Variants in POLQ observed in about 807,000 individuals in gnomAD.
POLQ encodes the protein DNA polymerase theta.
POLQ carries 233 observed loss-of-function variants against 259.2 expected under a neutral mutation model. That is an observed-to-expected ratio of 0.90 (90% CI 0.81 to 1.00). The LOEUF is 1.00. Among genes scored for constraint, POLQ ranks in the 50% least tolerant of loss-of-function variants. The pLI, the probability that POLQ is intolerant of heterozygous loss-of-function variation, is 0.00. For missense variants in POLQ, 2,871 were observed against 3,051.6 expected, an observed-to-expected ratio of 0.94 and a Z score of 1.39; for synonymous variants, 1,025 against 1,048.8, an observed-to-expected ratio of 0.98 and a Z score of 0.44.
intron 12 of POLQ, 76 bp downstream of exon 12, chr3:121,509,485 A>G (rs1190164248): frequency 1.9e-5 from 23 of 1,237,140 alleles, no homozygotes; most frequent in Non-Finnish European, 2.6e-5. Context: ...CTGTTAGGGT[A>G]TCTTTGATGT....
At chr3:121,544,648 C>G (rs1576432018) in intron 2 of POLQ, 79 bp downstream of exon 2, 3 of 927,846 alleles carry the variant, frequency 3.2e-6, no homozygotes, top group African/African-American at 1.7e-5. Context: ...ACCTTTTAAA[C>G]GAACCACAAC....
At position 121,489,104 on chromosome 3, in the gene POLQ, C is replaced by T. The variant is rs181141780; in HGVS notation, c.3827G>A (p.Ser1276Asn). Residue 1276 changes from serine to asparagine, a missense_variant, in exon 16 of 30, where the codon AGC (serine) becomes AAC (asparagine). Ser to Asn is a conservative substitution (Grantham distance 46). Coordinates refer to ENST00000264233, the MANE Select transcript of POLQ (RefSeq NM_199420.4). ...ATTCTCATGCTGGCCTTCTGATTTG[C>T]TAAATGCTCCAGCTGATGGAAGTAC... ...SEVLPSAGAF[S>N]KSEGQHENFL... 1.8e-5 allele frequency: 29 copies of T among 1,613,800 alleles called. No homozygotes were observed. The Admixed American group carries it at 4.5e-4, about 25-fold the overall frequency.
At chr3:121,523,691 G>A (rs990881654) in intron 7 of POLQ, among the ~76,000 whole-genome samples, 1 of 151,730 alleles carries the variant, frequency 6.6e-6, no homozygotes, top group African/African-American at 2.4e-5. Context: ...TTCCATCCTG[G>A]ACAACAGAGC....
intron 25 of POLQ, among the ~76,000 whole-genome samples, chr3:121,455,065 A>G (rs1300571267): frequency 2.0e-5 from 3 of 152,082 alleles, no homozygotes; most frequent in Admixed American, 2.0e-4. Flanking sequence ...ACTAGAACTC[A>G]GGATTAAGAA....
intron 5 of POLQ, among the ~76,000 whole-genome samples, chr3:121,534,334 CTT>C (rs71619797): frequency 5.6e-5 from 8 of 144,090 alleles, no homozygotes; most frequent in Non-Finnish European, 3.1e-5. Context: ...CATTATTTTA[CTT>C]TTTTTTTTTT....
chr3:121,456,530 C>T (rs2047739061), intron 25 of POLQ, among the ~76,000 whole-genome samples: 1 of 152,166 alleles, frequency 6.6e-6, no homozygotes, highest in Non-Finnish European at 1.5e-5. Context: ...GCAACTTCAG[C>T]AAAGTCTCAG....
chr3:121,522,211 C>G lies in POLQ; in HGVS notation c.1109-62G>C, dbSNP rs13059229. ...ACTCAGCTTCTTTAAGTGTATCTGT[C>G]TAAATCATAATAGAGCTAAATAGCA... On this transcript the variant is annotated intron_variant, in intron 7 of 29. Transcript: ENST00000264233. 892,990 of 1,342,728 alleles carry G rather than the reference C, an allele frequency of 0.67. 296,335 individuals carry two copies. Among genetic ancestry groups the G allele is most frequent in the East Asian group, 0.9 (37,464 of 41,788 alleles). The allele number at this position is 1,342,728 out of a possible 1,614,324, so 83.2% of individuals were successfully genotyped here. A position where few individuals can be genotyped will look rare whatever the true frequency, so the allele number is the denominator to read the frequency against.
chr3:121,541,609 C>T lies in POLQ; in HGVS notation c.344-130G>A, dbSNP rs554562720. The T allele has an allele frequency of 2.9e-4, 206 of 705,846 alleles. 1 individual carries two copies. In the African/African-American group the frequency reaches 3.2e-3, roughly 11 times the overall value. The allele number at this position is 705,846 out of a possible 1,614,324, so 43.7% of individuals were successfully genotyped here. A position where few individuals can be genotyped will look rare whatever the true frequency, so the allele number is the denominator to read the frequency against. ...ACCAATCACTAAGGGCCCAATAGCACTTAAAATCTTTATACCCTGAAATGC... is the reference window on the plus strand; with the variant it reads ...ACCAATCACTAAGGGCCCAATAGCATTTAAAATCTTTATACCCTGAAATGC... On this transcript the variant is annotated intron_variant, in intron 2 of 29. Coordinates refer to ENST00000264233, the MANE Select transcript of POLQ (RefSeq NM_199420.4).
intron 13 of POLQ, 115 bp from the exon 14 acceptor site, chr3:121,497,047 T>A (rs1469838951): frequency 6.9e-6 from 7 of 1,013,520 alleles, no homozygotes; most frequent in Admixed American, 5.5e-5. Context: ...TATAATACAT[T>A]GTGGTGAGAT....
intron 4 of POLQ, 70 bp from the exon 5 acceptor site, chr3:121,537,278 T>C: frequency 1.2e-6 from 1 of 815,918 alleles, no homozygotes; most frequent in East Asian, 2.4e-5. Context: ...TTCCAACCTT[T>C]ATTTCACTCT....
Position 121,436,283 on chromosome 3 carries a change from A to G in POLQ, c.7390-8T>C. The G allele has an allele frequency of 6.2e-7, 1 of 1,613,532 alleles. No individual in the cohort carries two copies. ...GATAGCTTGACGCTCAGCCTAGAAA[A>G]AACAATCAACAGGTGCTCCACCAGA... On this transcript the variant is annotated splice_region_variant and splice_polypyrimidine_tract_variant and intron_variant, in intron 27 of 29. Coordinates refer to ENST00000264233, the MANE Select transcript of POLQ (RefSeq NM_199420.4).
At chr3:121,439,663 CAAAG>C (rs544693721) in intron 27 of POLQ, among the ~76,000 whole-genome samples, 116 of 152,274 alleles carry the variant, frequency 7.6e-4, no homozygotes, top group African/African-American at 2.6e-3. Flanking sequence ...GTATAGGAAA[CAAAG>C]AATAATTAGC....
At chr3:121,511,451 A>C (rs1022992470) in intron 10 of POLQ, among the ~76,000 whole-genome samples, 1 of 152,084 alleles carries the variant, frequency 6.6e-6, no homozygotes, top group Non-Finnish European at 1.5e-5. Context: ...AATTTTGGAT[A>C]ACACAGCGAG....
intron 10 of POLQ, among the ~76,000 whole-genome samples, chr3:121,511,539 G>A (rs1178887609): frequency 6.6e-6 from 1 of 152,176 alleles, no homozygotes; most frequent in Admixed American, 6.5e-5. Flanking sequence ...CAGCACTTTG[G>A]GAGGCCAAGG....
At chr3:121,533,253 C>T (rs986906229) in intron 5 of POLQ, 44 bp from the exon 6 acceptor site, 1 of 1,243,478 alleles carries the variant, frequency 8.0e-7, no homozygotes, top group Non-Finnish European at 1.1e-6. Context: ...ATATATAATA[C>T]ATTAATAATT....
chr3:121,525,903 C>T (rs1291045471), intron 7 of POLQ, among the ~76,000 whole-genome samples: 1 of 151,908 alleles, frequency 6.6e-6, no homozygotes, highest in Non-Finnish European at 1.5e-5. Flanking sequence ...CTTTTTTTTG[C>T]CATTTTCACA....
chr3:121,533,840 A>C (rs1451604228), intron 5 of POLQ, among the ~76,000 whole-genome samples: 1 of 149,924 alleles, frequency 6.7e-6, no homozygotes, highest in African/African-American at 2.5e-5. Flanking sequence ...AGTAATTTAC[A>C]GTTCCCTGAT....
At chr3:121,503,908 A>G (rs1576419671) in intron 12 of POLQ, among the ~76,000 whole-genome samples, 1 of 152,348 alleles carries the variant, frequency 6.6e-6, no homozygotes, top group East Asian at 1.9e-4. Context: ...GCTGGAGTGC[A>G]GTGGCATAAT....
At chr3:121,537,078 C>T (rs368567828) in intron 5 of POLQ, 22 bp downstream of exon 5, 4 of 1,096,362 alleles carry the variant, frequency 3.6e-6, no homozygotes, top group Non-Finnish European at 5.6e-6. Flanking sequence ...ATCTCAGGAA[C>T]TCAGTTATTT....
Sources: gnomAD v4.1 joint callset for allele counts (sites outside exome capture counted in the v4.1 genomes callset) on GRCh38, gnomAD v4.1.1 for gene constraint, MANE v1.5 for transcripts, NCBI Gene and HGNC (gene_info 2026-07-23, HGNC 2026-07-21) for gene names.